Variants in SETBP1 observed in about 807,000 individuals in gnomAD.
SETBP1 encodes SET-binding protein.
In SETBP1, 9 loss-of-function variants were observed where a neutral mutation model predicts 101.0. The observed-to-expected ratio is 0.09, with a 90% confidence interval of 0.05 to 0.16. SETBP1 has a LOEUF of 0.16. SETBP1 is among the 10% of genes least tolerant of loss of function. The pLI is 1.00. For missense variants in SETBP1, 1,858 were observed against 2,033.8 expected (o/e 0.91, Z 1.66); for synonymous variants, 818 against 788.5 (o/e 1.04, Z -0.63).
chr18:44,767,935 G>T (rs1216232155), intron 2 of SETBP1, among the ~76,000 whole-genome samples: 1 of 152,124 alleles, frequency 6.6e-6, no homozygotes, highest in Non-Finnish European at 1.5e-5. Context: ...GAGAACTATT[G>T]GTAGGATGAA....
intron 3 of SETBP1, among the ~76,000 whole-genome samples, chr18:44,872,532 C>G (rs1387564762): frequency 6.6e-6 from 1 of 152,182 alleles, no homozygotes; most frequent in Admixed American, 6.5e-5. Context: ...TTTACTACCC[C>G]CTCTTGCTGG....
At chr18:44,832,270 A>C (rs1872432180) in intron 2 of SETBP1, among the ~76,000 whole-genome samples, 1 of 152,220 alleles carries the variant, frequency 6.6e-6, no homozygotes, top group African/African-American at 2.4e-5. Context: ...CTGGTCAAAC[A>C]TCAGTGAACA....
chr18:44,729,466 G>A (rs946664658), intron 2 of SETBP1, among the ~76,000 whole-genome samples: 1 of 152,204 alleles, frequency 6.6e-6, no homozygotes, highest in Admixed American at 6.5e-5. Flanking sequence ...AGTGGCTAAT[G>A]GGATTTAGTT....
chr18:44,944,754 A>G (rs1158410820), intron 3 of SETBP1, among the ~76,000 whole-genome samples: 1 of 152,180 alleles, frequency 6.6e-6, no homozygotes, highest in Admixed American at 6.5e-5. Context: ...AGAGTAGTTT[A>G]TCTTCCACAA....
chr18:44,936,536 AT>A (rs536285659), intron 3 of SETBP1, among the ~76,000 whole-genome samples: 3 of 151,880 alleles, frequency 2.0e-5, no homozygotes, highest in Admixed American at 2.0e-4. Flanking sequence ...AGTTTTTATA[AT>A]TTTTTCCCCT....
At chr18:44,799,371 G>T (rs2071550364) in intron 2 of SETBP1, among the ~76,000 whole-genome samples, 2 of 151,920 alleles carry the variant, frequency 1.3e-5, no homozygotes, top group African/African-American at 4.8e-5. Flanking sequence ...TCAAGTATAG[G>T]TTTTTTTCCG....
At chr18:44,723,779 G>T (rs1228579159) in intron 2 of SETBP1, among the ~76,000 whole-genome samples, 6 of 152,246 alleles carry the variant, frequency 3.9e-5, no homozygotes, top group African/African-American at 1.4e-4. Context: ...GGGGTGGGGA[G>T]GGGAGAAAAC....
chr18:44,918,416 G>A (rs894462062), intron 3 of SETBP1, among the ~76,000 whole-genome samples: 1 of 152,202 alleles, frequency 6.6e-6, no homozygotes, highest in Non-Finnish European at 1.5e-5. Context: ...TCCAGGAGAG[G>A]ATCCCAGTGA....
intron 4 of SETBP1, among the ~76,000 whole-genome samples, chr18:45,010,740 C>G (rs1343970088): frequency 6.6e-6 from 1 of 152,190 alleles, no homozygotes; most frequent in Non-Finnish European, 1.5e-5. Context: ...GTGCTTAATA[C>G]TATGCATTTA....
At chr18:44,888,838 G>C (rs1321863340) in intron 3 of SETBP1, among the ~76,000 whole-genome samples, 4 of 152,100 alleles carry the variant, frequency 2.6e-5, no homozygotes, top group Non-Finnish European at 5.9e-5. Context: ...TCAGCTGACT[G>C]CTTTAGTTTT....
At chr18:44,757,413 C>T (rs1046153639) in intron 2 of SETBP1, among the ~76,000 whole-genome samples, 1 of 152,150 alleles carries the variant, frequency 6.6e-6, no homozygotes, top group Non-Finnish European at 1.5e-5. Flanking sequence ...TGCTAATGCT[C>T]GCTGACTAGA....
chr18:44,729,882 C>T (rs1424519831), intron 2 of SETBP1, among the ~76,000 whole-genome samples: 32 of 152,222 alleles, frequency 2.1e-4, no homozygotes, highest in Admixed American at 2.1e-3. Context: ...TTATGTCACA[C>T]AGGCTTTTGC....
Position 44,953,207 on chromosome 18 carries a change from C to T in SETBP1, c.3867C>T (p.Asp1289=), listed in dbSNP as rs746384838. ...DVFSEMNPSN[D]KWDSDVSGSK... ...TCAGTGAAATGAACCCTTCGAATGA[C>T]AAGTGGGACAGTGACGTGAGTGGGA... The change falls in exon 4 of 6, where the codon GAC becomes GAT. Residue 1289 remains aspartate, a synonymous_variant. Coordinates refer to ENST00000649279, the MANE Select transcript of SETBP1 (RefSeq NM_015559.3). The T allele has an allele frequency of 1.2e-5, 20 of 1,613,880 alleles. No homozygotes were observed. The highest frequency in any genetic ancestry group is 1.7e-5 in the Non-Finnish European group (20 of 1,180,010).
chr18:44,932,845 C>G (rs1477100330), intron 3 of SETBP1, among the ~76,000 whole-genome samples: 1 of 152,152 alleles, frequency 6.6e-6, no homozygotes, highest in Admixed American at 6.5e-5. Flanking sequence ...AGCCATCTGT[C>G]TAATCTTTTT....
intron 2 of SETBP1, among the ~76,000 whole-genome samples, chr18:44,862,845 A>T (rs554963758): frequency 3.4e-4 from 51 of 152,224 alleles, no homozygotes; most frequent in African/African-American, 1.2e-3. Flanking sequence ...GGTGAGAGGG[A>T]TGCTTTAGGG....
At chr18:44,812,610 C>T (rs183482331) in intron 2 of SETBP1, among the ~76,000 whole-genome samples, 174 of 152,188 alleles carry the variant, frequency 1.1e-3, no homozygotes, top group African/African-American at 4.0e-3. Flanking sequence ...TGTTGGTGCC[C>T]TGGCTGGGTA....
chr18:44,943,843 T>A (rs988837128), intron 3 of SETBP1, among the ~76,000 whole-genome samples: 1 of 150,672 alleles, frequency 6.6e-6, no homozygotes, highest in Non-Finnish European at 1.5e-5. Context: ...TTTTTTTCTT[T>A]TTTTTTTTTG....
intron 2 of SETBP1, among the ~76,000 whole-genome samples, chr18:44,782,995 C>T (rs9945101): frequency 2.0e-3 from 297 of 152,238 alleles, no homozygotes; most frequent in African/African-American, 6.7e-3. Flanking sequence ...GCTTAGTAAA[C>T]GTCAAGGATC....
intron 4 of SETBP1, among the ~76,000 whole-genome samples, chr18:45,009,594 C>T (rs1181898719): frequency 6.6e-6 from 1 of 151,804 alleles, no homozygotes; most frequent in Non-Finnish European, 1.5e-5. Flanking sequence ...TTTATGACTC[C>T]AGGAGGGCAT....
Sources: gnomAD v4.1 joint callset for allele counts (sites outside exome capture counted in the v4.1 genomes callset) on GRCh38, gnomAD v4.1.1 for gene constraint, MANE v1.5 for transcripts, NCBI Gene and HGNC (gene_info 2026-07-23, HGNC 2026-07-21) for gene names.